The following C2CD4B variants were observed in gnomAD, a reference collection of about 807,000 sequenced individuals.
C2CD4B encodes the protein C2 calcium dependent domain containing 4B, also known as C2 calcium-dependent domain-containing protein 4B.
For synonymous variants in C2CD4B, 347 were observed against 284.9 expected, an observed-to-expected ratio of 1.22 and a Z score of -2.20; for missense variants, 644 against 577.7, an observed-to-expected ratio of 1.11 and a Z score of -1.18.
intron 1 of C2CD4B, 80 bp from the exon 2 acceptor site, chr15:62,165,104 C>A (rs755682947): frequency 8.1e-7 from 1 of 1,237,196 alleles, no homozygotes; most frequent in Non-Finnish European, 1.1e-6. Context: ...CTCCCCCAGA[C>A]CCTGTAAACG....
chr15:62,163,826 T>C lies in C2CD4B; in HGVS notation c.*64A>G. Reference sequence around the variant, plus strand: ...ATAAAAAAATAAATAACGTTTATTCTGTACCACGCGGCTGTCAGTGTCCGG... The same window carrying C: ...ATAAAAAAATAAATAACGTTTATTCCGTACCACGCGGCTGTCAGTGTCCGG... On this transcript the variant is annotated 3_prime_UTR_variant, in exon 2 of 2. Coordinates refer to ENST00000380392, the MANE Select transcript of C2CD4B (RefSeq NM_001007595.3). 3 of 1,405,938 alleles carry C rather than the reference T, an allele frequency of 2.1e-6. No homozygotes were observed. Among genetic ancestry groups the C allele is most frequent in the Non-Finnish European group, 1.8e-6 (2 of 1,085,434 alleles). 87.1% of individuals were successfully genotyped at this position (1,405,938 alleles called of 1,614,324 possible).
In C2CD4B at chr15:62,164,294, C is replaced by G. The variant is rs1315140965; in HGVS notation, c.691G>C (p.Ala231Pro). 2.5e-5 allele frequency: 35 copies of G among 1,418,196 alleles called. No individual in the cohort carries two copies. The East Asian group carries it at 3.0e-4, about 12-fold the overall frequency. 87.9% of individuals were successfully genotyped at this position (1,418,196 alleles called of 1,614,324 possible). ...APSSSPLSSR[A>P]PLPERLEAKG... is the part of the protein sequence containing the mutation. The stretch of plus-strand genomic sequence containing the variant: ...GCCTCCAGGCGCTCAGGAAGCGGGG[C>G]CCTGGATGACAGCGGGCTCGAGGAG... The change falls in exon 2 of 2, where the codon GCC (alanine) becomes CCC (proline). Residue 231 changes from alanine (A) to proline (P), a missense_variant. Coordinates refer to ENST00000380392, the MANE Select transcript of C2CD4B (RefSeq NM_001007595.3).
In C2CD4B at chr15:62,164,068, A is replaced by G. The variant is rs200774497; in HGVS notation, c.917T>C (p.Val306Ala). Residue 306 changes from valine to alanine, a missense_variant, in exon 2 of 2, where the codon GTG becomes GCG. Val to Ala is a moderately conservative substitution (Grantham distance 64). Transcript: ENST00000380392. ...GGAGGCCTTGCGGCTGCGCCCCACCACAGCGCTGCATTGCCAACGCGCAGT... is the reference window on the plus strand; with the variant it reads ...GGAGGCCTTGCGGCTGCGCCCCACCGCAGCGCTGCATTGCCAACGCGCAGT... ...PGTARWQCSA[V>A]VGRSRKASFD... 8.3e-4 allele frequency: 1,314 copies of G among 1,579,770 alleles called. 7 individuals are homozygous for G. The Middle Eastern group carries it at 0.017, about 21-fold the overall frequency.
Position 62,164,786 on chromosome 15 carries a change from G to A in C2CD4B, c.199C>T (p.Arg67Cys). ...CGGCCGGCGTCCTCGTCTGCCGCGC[G>A]GGGCCACAGGTCGCTTTCAGCGGCG... is the stretch of plus-strand genomic sequence containing the variant. ...RCAAESDLWP[R>C]AADEDAGRTD... Residue 67 changes from arginine to cysteine, a missense_variant, in exon 2 of 2, where the codon CGC becomes TGC. Physicochemically the swap from Arg to Cys is radical, Grantham distance 180. Transcript: ENST00000380392. 1 of 1,476,072 alleles carries A rather than the reference G, an allele frequency of 6.8e-7. No homozygotes were observed. Among genetic ancestry groups the A allele is most frequent in the Admixed American group, 2.4e-5 (1 of 41,472 alleles). The allele number at this position is 1,476,072 out of a possible 1,614,324, so 91.4% of individuals were successfully genotyped here. A position where few individuals can be genotyped will look rare whatever the true frequency, so the allele number is the denominator to read the frequency against.
In C2CD4B at chr15:62,165,096, C is replaced by T. The variant is rs1040763942; in HGVS notation, c.-40-72G>A. The T allele has an allele frequency of 8.5e-6, 11 of 1,299,980 alleles. No homozygotes were observed. The East Asian group carries it at 2.4e-4, about 28-fold the overall frequency. 80.5% of individuals were successfully genotyped at this position (1,299,980 alleles called of 1,614,324 possible). On this transcript the variant is annotated intron_variant, in intron 1 of 1. Transcript: ENST00000380392. ...AGCCCCTCGACGCGGCTGGATCCCT[C>T]CCCCAGACCCTGTAAACGTCCCCCA... is the stretch of plus-strand genomic sequence containing the variant.
In C2CD4B at chr15:62,164,649, C is replaced by CT. The variant is rs552064552; in HGVS notation, c.335dup (p.Glu113GlyfsTer123). 299 of 1,424,940 alleles carry CT rather than the reference C, an allele frequency of 2.1e-4. 6 individuals are homozygous for CT. In the South Asian group the frequency reaches 2.4e-3, roughly 12 times the overall value. The allele number at this position is 1,424,940 out of a possible 1,614,324, so 88.3% of individuals were successfully genotyped here. The stretch of plus-strand genomic sequence containing the variant: ...GCGGGCCCCCGAGCAGGAGCGACTC[C>CT]TTGCGGCGCGTGTGCGGGCTCTCGA... On this transcript the variant is annotated frameshift_variant, in exon 2 of 2. Coordinates refer to ENST00000380392, the MANE Select transcript of C2CD4B (RefSeq NM_001007595.3). LOFTEE classifies it low-confidence loss of function (END_TRUNC).
At position 62,164,818 on chromosome 15, in the gene C2CD4B, C is replaced by A. The variant is rs1253947656; in HGVS notation, c.167G>T (p.Arg56Leu). 1 of 1,462,204 alleles carries A rather than the reference C, an allele frequency of 6.8e-7. No individual in the cohort carries two copies. The highest frequency in any genetic ancestry group is 2.8e-5 in the East Asian group (1 of 36,070). The allele number at this position is 1,462,204 out of a possible 1,614,324, so 90.6% of individuals were successfully genotyped here. A position where few individuals can be genotyped will look rare whatever the true frequency, so the allele number is the denominator to read the frequency against. Residue 56 changes from arginine (R) to leucine (L), a missense_variant, in exon 2 of 2, where the codon CGG (arginine) becomes CTG (leucine). Arg to Leu is a moderately radical substitution (Grantham distance 102). Transcript: ENST00000380392. ...ESPIRAAAVP[R>L]RCAAESDLWP... Reference sequence around the variant, plus strand: ...CAGGTCGCTTTCAGCGGCGCAGCGCCGGGGCACGGCGGCGGCCCGGATTGG... The same window carrying A: ...CAGGTCGCTTTCAGCGGCGCAGCGCAGGGGCACGGCGGCGGCCCGGATTGG...
intron 1 of C2CD4B, 61 bp from the exon 2 acceptor site, chr15:62,165,085 G>A (rs953410504): frequency 7.5e-5 from 103 of 1,371,400 alleles, no homozygotes; most frequent in Non-Finnish European, 9.2e-5. Context: ...CCTCGACGCG[G>A]CTGGATCCCT....
rs1329046715 is a variant in C2CD4B at position 62,164,735 on chromosome 15, C to T, written c.250G>A (p.Ala84Thr). 6.8e-7 allele frequency: 1 copy of T among 1,478,712 alleles called. No homozygotes were observed. The highest frequency in any genetic ancestry group is 2.4e-5 in the Admixed American group (1 of 41,648). The allele number at this position is 1,478,712 out of a possible 1,614,324, so 91.6% of individuals were successfully genotyped here. A position where few individuals can be genotyped will look rare whatever the true frequency, so the allele number is the denominator to read the frequency against. ...GRTDWDPRSQ[A>T]ALSLPHLPRV... ...GGCAGGTGCGGCAGTGACAGCGCTG[C>T]CTGCGAGCGCGGGTCCCAGTCCGTG... is the stretch of plus-strand genomic sequence containing the variant. Residue 84 changes from alanine (A) to threonine (T), a missense_variant, in exon 2 of 2, where the codon GCA (alanine) becomes ACA (threonine). Physicochemically the swap from Ala to Thr is moderately conservative, Grantham distance 58 (BLOSUM62 0). Coordinates refer to ENST00000380392, the MANE Select transcript of C2CD4B (RefSeq NM_001007595.3).
Position 62,163,801 on chromosome 15 carries a change from A to G in C2CD4B, c.*89T>C. 1.5e-6 allele frequency: 2 copies of G among 1,355,096 alleles called. No individual in the cohort carries two copies. Among genetic ancestry groups the G allele is most frequent in the Admixed American group, 3.5e-5 (1 of 28,816 alleles). 83.9% of individuals were successfully genotyped at this position (1,355,096 alleles called of 1,614,324 possible). On this transcript the variant is annotated 3_prime_UTR_variant, in exon 2 of 2. Transcript: ENST00000380392. The stretch of plus-strand genomic sequence containing the variant: ...AAACGTCAATAAAGCAGTATCATAA[A>G]TAAAAAAATAAATAACGTTTATTCT...
In C2CD4B at chr15:62,164,353, C is replaced by A. The variant is rs748588698; in HGVS notation, c.632G>T (p.Arg211Leu). The change falls in exon 2 of 2, where the codon CGC becomes CTC. Residue 211 changes from arginine to leucine, a missense_variant. Arg to Leu is a moderately radical substitution (Grantham distance 102, BLOSUM62 -2). Transcript: ENST00000380392. ...SVSSGNEDEE[R>L]RAGSESPARA... ...GGCCGGGGACTCGGATCCCGCGCGG[C>A]GCTCCTCGTCCTCGTTCCCGCTGGA... The A allele has an allele frequency of 5.7e-6, 8 of 1,403,474 alleles. No individual in the cohort carries two copies. Among genetic ancestry groups the A allele is most frequent in the South Asian group, 1.6e-5 (1 of 64,078 alleles). The allele number at this position is 1,403,474 out of a possible 1,614,324, so 86.9% of individuals were successfully genotyped here.
At position 62,163,949 on chromosome 15, in the gene C2CD4B, C is replaced by A; in HGVS notation, c.1036G>T (p.Asp346Tyr). 6.3e-7 allele frequency: 1 copy of A among 1,578,692 alleles called. No individual in the cohort carries two copies. ...CCCTGGCCCAGCAGGCGGCCCCGAT[C>A]CCGGCCGCGACCCTCATCCCGGGCC... is the stretch of plus-strand genomic sequence containing the variant. ...VKARDEGRGR[D>Y]RGRLLGQGEL... Residue 346 changes from aspartate to tyrosine, a missense_variant, in exon 2 of 2, where the codon GAT (aspartate) becomes TAT (tyrosine). Transcript: ENST00000380392.
At position 62,164,198 on chromosome 15, in the gene C2CD4B, G is replaced by T; in HGVS notation, c.787C>A (p.Arg263=). Residue 263 remains arginine, a synonymous_variant, in exon 2 of 2, where the codon CGG becomes AGG. Coordinates refer to ENST00000380392, the MANE Select transcript of C2CD4B (RefSeq NM_001007595.3). ...RLAAEYCPGT[R]RLRLRLLRAE... ...CGGAGCAGCCGGAGGCGGAGACGCCGGGTTCCCGGACAGTACTCAGCAGCC... is the reference window on the plus strand; with the variant it reads ...CGGAGCAGCCGGAGGCGGAGACGCCTGGTTCCCGGACAGTACTCAGCAGCC... 6.8e-7 allele frequency: 1 copy of T among 1,478,726 alleles called. No individual in the cohort carries two copies. Among genetic ancestry groups the T allele is most frequent in the Non-Finnish European group, 8.9e-7 (1 of 1,123,678 alleles). 91.6% of individuals were successfully genotyped at this position (1,478,726 alleles called of 1,614,324 possible).
Position 62,163,567 on chromosome 15 carries a change from A to C in C2CD4B, c.*323T>G, listed in dbSNP as rs2049573814. 6.7e-6 allele frequency: 2 copies of C among 300,026 alleles called. No homozygotes were observed. The highest frequency in any genetic ancestry group is 1.2e-5 in the Non-Finnish European group (2 of 164,736). The allele number at this position is 300,026 out of a possible 1,614,324, so 18.6% of individuals were successfully genotyped here. ...GAATAACTTGCTTTATTAAAAAAAAACTGTAACATTGATAGAAAACCGGAA... is the reference window on the plus strand; with the variant it reads ...GAATAACTTGCTTTATTAAAAAAAACCTGTAACATTGATAGAAAACCGGAA... On this transcript the variant is annotated 3_prime_UTR_variant, in exon 2 of 2. Transcript: ENST00000380392.
In C2CD4B at chr15:62,164,288, G is replaced by A. The variant is rs147804873; in HGVS notation, c.697C>T (p.Leu233Phe). Reference protein sequence around the residue: ...SSSPLSSRAPLPERLEAKGTV... With the variant: ...SSSPLSSRAPFPERLEAKGTV... The stretch of plus-strand genomic sequence containing the variant: ...CCCTTGGCCTCCAGGCGCTCAGGAA[G>A]CGGGGCCCTGGATGACAGCGGGCTC... Residue 233 changes from leucine to phenylalanine, a missense_variant, in exon 2 of 2, where the codon CTT (leucine) becomes TTT (phenylalanine). Transcript: ENST00000380392. 0.047 allele frequency: 67,272 copies of A among 1,420,456 alleles called. 1,734 individuals are homozygous for A. Among genetic ancestry groups the A allele is most frequent in the Non-Finnish European group, 0.053 (57,995 of 1,097,426 alleles). The allele number at this position is 1,420,456 out of a possible 1,614,324, so 88.0% of individuals were successfully genotyped here.
Position 62,164,397 on chromosome 15 carries a change from C to T in C2CD4B, c.588G>A (p.Leu196=). 7.0e-7 allele frequency: 1 copy of T among 1,419,332 alleles called. No individual in the cohort carries two copies. Among genetic ancestry groups the T allele is most frequent in the Non-Finnish European group, 9.2e-7 (1 of 1,092,466 alleles). The allele number at this position is 1,419,332 out of a possible 1,614,324, so 87.9% of individuals were successfully genotyped here. The change falls in exon 2 of 2, where the codon CTG becomes CTA. Residue 196 remains leucine (L), a synonymous_variant. Coordinates refer to ENST00000380392, the MANE Select transcript of C2CD4B (RefSeq NM_001007595.3). Reference sequence around the variant, plus strand: ...CGCTGGAGACGGAGCGGACGCGGGCCAGGCGGCGACTCCTTCCAGCCCGCA... The same window carrying T: ...CGCTGGAGACGGAGCGGACGCGGGCTAGGCGGCGACTCCTTCCAGCCCGCA... ...RALRAGRSRR[L]ARVRSVSSGN...
In C2CD4B at chr15:62,164,499, C is replaced by A. The variant is rs991678636; in HGVS notation, c.486G>T (p.Leu162=). 7.5e-6 allele frequency: 9 copies of A among 1,207,258 alleles called. No individual in the cohort carries two copies. The African/African-American group carries it at 1.4e-4, about 19-fold the overall frequency. 74.8% of individuals were successfully genotyped at this position (1,207,258 alleles called of 1,614,324 possible). A position where few individuals can be genotyped will look rare whatever the true frequency, so the allele number is the denominator to read the frequency against. ...GCCCCGCAGCGAGCGCGTCCTGGGG[C>A]AGGCGGGGACCGCCGGGGGCCGCGG... is the stretch of plus-strand genomic sequence containing the variant. ...ATPAAPGGPR[L]PQDALAAGPR... Residue 162 remains leucine (L), a synonymous_variant, in exon 2 of 2, where the codon CTG becomes CTT. Transcript: ENST00000380392.
In C2CD4B at chr15:62,164,307, CG is replaced by C; in HGVS notation, c.677del (p.Pro226ArgfsTer156). On this transcript the variant is annotated frameshift_variant, in exon 2 of 2. Coordinates refer to ENST00000380392, the MANE Select transcript of C2CD4B (RefSeq NM_001007595.3). LOFTEE classifies it low-confidence loss of function (END_TRUNC). ...CAGGAAGCGGGGCCCTGGATGACAG[CG>C]GGCTCGAGGAGGGGGCCCGGGCCGG... Reference protein sequence around the residue: ...ESPARAPSSSPLSSRAPLPER... With the variant: ...ESPARAPSSSXLSSRAPLPER... The C allele has an allele frequency of 7.1e-7, 1 of 1,411,168 alleles. No homozygotes were observed. Among genetic ancestry groups the C allele is most frequent in the Non-Finnish European group, 9.2e-7 (1 of 1,091,844 alleles). The allele number at this position is 1,411,168 out of a possible 1,614,324, so 87.4% of individuals were successfully genotyped here.
chr15:62,164,502 G>GCGGGGACCGC lies in C2CD4B; in HGVS notation c.473_482dup (p.Leu162ArgfsTer77). 1.7e-6 allele frequency: 2 copies of GCGGGGACCGC among 1,202,832 alleles called. No homozygotes were observed. The highest frequency in any genetic ancestry group is 2.1e-6 in the Non-Finnish European group (2 of 971,474). The allele number at this position is 1,202,832 out of a possible 1,614,324, so 74.5% of individuals were successfully genotyped here. On this transcript the variant is annotated frameshift_variant, in exon 2 of 2. Transcript: ENST00000380392. LOFTEE classifies it low-confidence loss of function (END_TRUNC). ...CCGCAGCGAGCGCGTCCTGGGGCAG[G>GCGGGGACCGC]CGGGGACCGCCGGGGGCCGCGGGGG... is the stretch of plus-strand genomic sequence containing the variant.
Sources: gnomAD v4.1 joint callset for allele counts on GRCh38, gnomAD v4.1.1 for gene constraint, MANE v1.5 for transcripts, NCBI Gene and HGNC (gene_info 2026-07-23, HGNC 2026-07-21) for gene names.